The following KRT82 variants were observed in gnomAD, a reference collection of about 807,000 sequenced individuals.
KRT82 encodes keratin, type II cuticular Hb2.
In KRT82, 44 loss-of-function variants were observed where a neutral mutation model predicts 48.0. That is an observed-to-expected ratio of 0.92 (90% CI 0.72 to 1.18). KRT82 has a LOEUF of 1.18. Among genes scored for constraint, KRT82 ranks in the 50% most tolerant of loss-of-function variants. The probability of loss-of-function intolerance (pLI) is 0.00; values close to 1 mark genes in which losing one functional copy is unlikely to be tolerated. For synonymous variants in KRT82, 297 were observed against 278.3 expected (o/e 1.07, Z -0.67); for missense variants, 701 against 671.4 (o/e 1.04, Z -0.49).
At chr12:52,403,048 T>C (rs1452213554) in intron 2 of KRT82, among the ~76,000 whole-genome samples, 2 of 152,200 alleles carry the variant, frequency 1.3e-5, no homozygotes, top group African/African-American at 4.8e-5. Flanking sequence ...TTGAAAGCAC[T>C]TAATTACCAT....
At chr12:52,400,247 TAGAACTCTG>T in intron 4 of KRT82, 98 bp from the exon 5 acceptor site, 1 of 1,205,764 alleles carries the variant, frequency 8.3e-7, no homozygotes, top group Non-Finnish European at 1.2e-6. Flanking sequence ...GCAGAGTGCA[TAGAACTCTG>T]CTATGGCTGT....
intron 2 of KRT82, among the ~76,000 whole-genome samples, chr12:52,402,716 T>C (rs374624163): frequency 6.6e-6 from 1 of 152,286 alleles, no homozygotes. Context: ...CTTTTTTCTT[T>C]CAATAGCACC....
chr12:52,394,257 T>G lies in KRT82; in HGVS notation c.*718A>C, dbSNP rs943028369. On this transcript the variant is annotated 3_prime_UTR_variant, in exon 9 of 9. Coordinates refer to ENST00000257974, the MANE Select transcript of KRT82 (RefSeq NM_033033.4). ...TGGTATCTGTTTTTGGTTTTCCAAC[T>G]GTCCAGTAAACATTCCATATCCCTT... 6.6e-6 allele frequency: 1 copy of G among 152,336 alleles called. No homozygotes were observed. The highest frequency in any genetic ancestry group is 2.4e-5 in the African/African-American group (1 of 41,476). 9.4% of individuals were successfully genotyped at this position (152,336 alleles called of 1,614,324 possible).
rs200639311 is a variant in KRT82, at chr12:52,400,566, G to A, written c.738C>T (p.Leu246=). ...KADLETNAEA[L]VQEIDFLKSL... is the part of the protein sequence containing the mutation. ...TTTTCAGGAAGTCGATCTCCTGCACGAGTGCCTCTGCGTTGGTCTCCAGGT... is the reference window on the plus strand; with the variant it reads ...TTTTCAGGAAGTCGATCTCCTGCACAAGTGCCTCTGCGTTGGTCTCCAGGT... The change falls in exon 4 of 9, where the codon CTC becomes CTT. Residue 246 remains leucine, a synonymous_variant. Transcript: ENST00000257974. The A allele has an allele frequency of 3.8e-4, 615 of 1,614,068 alleles. 2 individuals carry two copies. Among genetic ancestry groups the A allele is most frequent in the South Asian group, 8.7e-4 (79 of 91,074 alleles).
chr12:52,401,428 G>A (rs767051116), intron 2 of KRT82, 79 bp from the exon 3 acceptor site: 137 of 1,411,100 alleles, frequency 9.7e-5, no homozygotes, highest in Non-Finnish European at 1.3e-4. Context: ...GCCTTTGGGG[G>A]CAACTCTGCC....
intron 2 of KRT82, 34 bp downstream of exon 2, chr12:52,403,667 G>T: frequency 7.5e-7 from 1 of 1,337,356 alleles, no homozygotes; most frequent in Non-Finnish European, 1.1e-6. Context: ...CTTGCCCCAG[G>T]TCCACCAGTG....
In KRT82 at chr12:52,402,941, G is replaced by T. The variant is rs1433003012; in HGVS notation, c.620+760C>A. On this transcript the variant is annotated intron_variant, in intron 2 of 8. Coordinates refer to ENST00000257974, the MANE Select transcript of KRT82 (RefSeq NM_033033.4). ...GGACACTGGACTGTCACAAGGCACT[G>T]GATTCCCATGGGGCACTGGATTCCC... Among the ~76,000 whole-genome samples, 5 of 152,250 alleles carry T rather than the reference G, an allele frequency of 3.3e-5. 1 individual carries two copies. Among genetic ancestry groups the T allele is most frequent in the African/African-American group, 9.6e-5 (4 of 41,552 alleles).
chr12:52,401,040 G>A (rs1048220097), intron 3 of KRT82, among the ~76,000 whole-genome samples: 4 of 152,144 alleles, frequency 2.6e-5, no homozygotes, highest in Non-Finnish European at 5.9e-5. Flanking sequence ...ACCCAGCTTC[G>A]GCCTGCATGA....
At position 52,406,291 on chromosome 12, in the gene KRT82, G is replaced by C. The variant is rs1450351503; in HGVS notation, c.-14C>G. The C allele has an allele frequency of 6.4e-7, 1 of 1,564,498 alleles. No homozygotes were observed. The highest frequency in any genetic ancestry group is 8.7e-7 in the Non-Finnish European group (1 of 1,154,488). On this transcript the variant is annotated 5_prime_UTR_variant, in exon 1 of 9. Coordinates refer to ENST00000257974, the MANE Select transcript of KRT82 (RefSeq NM_033033.4). Reference sequence around the variant, plus strand: ...GTGGTACGACATGGCAGGAGAGAGAGGCAGAGAAATGCGGCCCTGGAGGAA... The same window carrying C: ...GTGGTACGACATGGCAGGAGAGAGACGCAGAGAAATGCGGCCCTGGAGGAA...
chr12:52,396,322 C>A, intron 6 of KRT82, 90 bp from the exon 7 acceptor site: 1 of 1,221,236 alleles, frequency 8.2e-7, no homozygotes, highest in Non-Finnish European at 1.1e-6. Flanking sequence ...GGGGTGGCTA[C>A]GTGCCAGGCT....
chr12:52,395,205 C>G lies in KRT82; in HGVS notation c.1322-10G>C. On this transcript the variant is annotated splice_polypyrimidine_tract_variant and intron_variant, in intron 8 of 8. Transcript: ENST00000257974. ...TTGGAGCTGCTCACTGCTGTGGGAA[C>G]AGGAAGGGGTGCTCAGGGCCCCACA... is the stretch of plus-strand genomic sequence containing the variant. The G allele has an allele frequency of 6.2e-7, 1 of 1,611,702 alleles. No individual in the cohort carries two copies. Among genetic ancestry groups the G allele is most frequent in the Non-Finnish European group, 8.5e-7 (1 of 1,178,660 alleles).
At chr12:52,400,395 G>A in intron 4 of KRT82, 132 bp downstream of exon 4, 2 of 747,134 alleles carry the variant, frequency 2.7e-6, no homozygotes. Context: ...CTCACCGCCT[G>A]AGAACGTCTC....
chr12:52,395,881 C>G (rs999655557), intron 7 of KRT82, 91 bp from the exon 8 acceptor site: 37 of 1,477,390 alleles, frequency 2.5e-5, no homozygotes, highest in Non-Finnish European at 3.2e-5. Flanking sequence ...CATTGTGGAC[C>G]ATGTGCTGCT....
In KRT82 at chr12:52,396,245, C is replaced by T. The variant is rs114152116; in HGVS notation, c.1069-13G>A. On this transcript the variant is annotated splice_polypyrimidine_tract_variant and intron_variant, in intron 6 of 8. Coordinates refer to ENST00000257974, the MANE Select transcript of KRT82 (RefSeq NM_033033.4). The stretch of plus-strand genomic sequence containing the variant: ...CAAGTTTGCAGCGCTGTGGGAGGGG[C>T]GCAGAAAAGCATCACTGGGGGCCCT... The T allele has an allele frequency of 0.039, 61,812 of 1,604,140 alleles. 1,423 individuals carry two copies. Among genetic ancestry groups the T allele is most frequent in the South Asian group, 0.07 (6,294 of 90,414 alleles).
chr12:52,396,813 C>T, intron 6 of KRT82, 70 bp downstream of exon 6: 1 of 1,587,156 alleles, frequency 6.3e-7, no homozygotes, highest in Non-Finnish European at 8.6e-7. Flanking sequence ...TTGAACCCGC[C>T]CTGCACGGCA....
chr12:52,401,236 TG>T, intron 3 of KRT82, 52 bp downstream of exon 3: 1 of 1,517,004 alleles, frequency 6.6e-7, no homozygotes, highest in Non-Finnish European at 9.2e-7. Context: ...CTAGGTGGCC[TG>T]GGGCAACGCA....
intron 5 of KRT82, among the ~76,000 whole-genome samples, chr12:52,399,733 G>A (rs746979854): frequency 5.3e-5 from 8 of 152,226 alleles, no homozygotes; most frequent in African/African-American, 9.6e-5. Flanking sequence ...ACTGCTGGGC[G>A]CCCTGGCACC....
chr12:52,395,701 G>A, intron 8 of KRT82, 58 bp downstream of exon 8: 1 of 1,340,908 alleles, frequency 7.5e-7, no homozygotes, highest in Admixed American at 2.2e-5. Flanking sequence ...GGCTGCCTGT[G>A]TTGGGGTGAT....
rs758532022 is a variant in KRT82 at position 52,395,233 on chromosome 12, G to C, written c.1322-38C>G. 10 of 1,566,616 alleles carry C rather than the reference G, an allele frequency of 6.4e-6. No homozygotes were observed. The Admixed American group carries it at 6.8e-5, about 11-fold the overall frequency. Reference sequence around the variant, plus strand: ...GAAGGGGTGCTCAGGGCCCCACACGGTGTGGCTCTCAGTGTACTGCCCTGA... The same window carrying C: ...GAAGGGGTGCTCAGGGCCCCACACGCTGTGGCTCTCAGTGTACTGCCCTGA... On this transcript the variant is annotated intron_variant, in intron 8 of 8. Coordinates refer to ENST00000257974, the MANE Select transcript of KRT82 (RefSeq NM_033033.4).
Sources: allele counts gnomAD v4.1 joint callset (sites outside exome capture counted in the v4.1 genomes callset), GRCh38; gene constraint gnomAD v4.1.1; transcripts MANE v1.5; gene names NCBI Gene and HGNC (gene_info 2026-07-23, HGNC 2026-07-21).